The following ADGRE5 variants were observed in gnomAD, a reference collection of about 807,000 sequenced individuals.
The protein encoded by ADGRE5 is adhesion G protein-coupled receptor E5.
In ADGRE5, 72 loss-of-function variants were observed where a neutral mutation model predicts 100.3. That is an observed-to-expected ratio of 0.72 (90% CI 0.59 to 0.87). ADGRE5 has a LOEUF of 0.87. ADGRE5 is among the 40% of genes least tolerant of loss of function. The probability of loss-of-function intolerance (pLI) is 0.00; values close to 1 mark genes in which losing one functional copy is unlikely to be tolerated. For synonymous variants in ADGRE5, 439 were observed against 447.8 expected, an observed-to-expected ratio of 0.98 and a Z score of 0.25; for missense variants, 959 against 1,094.7, an observed-to-expected ratio of 0.88 and a Z score of 1.75.
intron 4 of ADGRE5, among the ~76,000 whole-genome samples, chr19:14,393,842 T>C (rs1975684799): frequency 6.6e-6 from 1 of 152,144 alleles, no homozygotes; most frequent in Non-Finnish European, 1.5e-5. Context: ...CCCACATGCA[T>C]GTGACTTGGC....
At position 14,406,387 on chromosome 19, in the gene ADGRE5, C is replaced by T. The variant is rs146060779; in HGVS notation, c.1878C>T (p.Ala626=). 10 of 1,591,584 alleles carry T rather than the reference C, an allele frequency of 6.3e-6. No homozygotes were observed. In the African/African-American group the frequency reaches 8.0e-5, roughly 13 times the overall value. Reference sequence around the variant, plus strand: ...TGCTGCACTACTGTTTCCTGGCCGCCTTCTGCTGGATGAGCCTCGAAGGCC... The same window carrying T: ...TGCTGCACTACTGTTTCCTGGCCGCTTTCTGCTGGATGAGCCTCGAAGGCC... ...AGLLHYCFLA[A]FCWMSLEGLE... is the part of the protein sequence containing the mutation. Residue 626 remains alanine (A), a synonymous_variant, in exon 15 of 20, where the codon GCC becomes GCT. Transcript: ENST00000242786. This position sits in a 1 kb window ranked among gnomAD's most constrained non-coding sequence, Gnocchi z 6.0.
intron 2 of ADGRE5, 47 bp downstream of exon 2, chr19:14,388,547 G>C (rs1433678617): frequency 1.6e-5 from 25 of 1,569,216 alleles, no homozygotes; most frequent in Non-Finnish European, 2.2e-5. Flanking sequence ...CCAGAGCCTG[G>C]GGAGGGTCCT....
intron 9 of ADGRE5, among the ~76,000 whole-genome samples, chr19:14,398,986 C>T (rs1975899813): frequency 6.6e-6 from 1 of 151,664 alleles, no homozygotes. Flanking sequence ...GGACCAAAGG[C>T]ATATACCACC....
At chr19:14,385,361 GTC>G (rs915265601) in intron 1 of ADGRE5, among the ~76,000 whole-genome samples, 5 of 151,600 alleles carry the variant, frequency 3.3e-5, no homozygotes, top group Non-Finnish European at 7.4e-5. Flanking sequence ...CTCTTTCTGT[GTC>G]TCTCTTTCTT....
In ADGRE5 at chr19:14,406,833, T is replaced by C; in HGVS notation, c.2116-36T>C. 6.2e-7 allele frequency: 1 copy of C among 1,611,872 alleles called. No homozygotes were observed. The highest frequency in any genetic ancestry group is 2.2e-5 in the East Asian group (1 of 44,860). ...GGCCCAGGCCCGGCTGGACCATCGC[T>C]CTCGCCCTCTAACCCACAATCTGCT... On this transcript the variant is annotated intron_variant, in intron 16 of 19. Coordinates refer to ENST00000242786, the MANE Select transcript of ADGRE5 (RefSeq NM_078481.4). This position sits in a 1 kb window ranked among gnomAD's most constrained non-coding sequence, Gnocchi z 6.0.
rs767221670 is a variant in ADGRE5, at chr19:14,401,430, C to T, written c.942C>T (p.Asp314=). 2.2e-5 allele frequency: 36 copies of T among 1,614,000 alleles called. No individual in the cohort carries two copies. In the Admixed American group the frequency reaches 4.0e-4, roughly 18 times the overall value. The change falls in exon 10 of 20, where the codon GAC becomes GAT. Residue 314 remains aspartate (D), a synonymous_variant. Transcript: ENST00000242786. The surrounding 1 kb of genome is among the most constrained non-coding windows in gnomAD (Gnocchi z 4.1). The stretch of plus-strand genomic sequence containing the variant: ...ATGAACTGATGGAAGCTCCTGGAGA[C>T]GTAGAGGCCCTGGCGCCACCTGTCC... ...LVDELMEAPG[D]VEALAPPVRH...
In ADGRE5 at chr19:14,397,099, A is replaced by T. The variant is rs1975807274; in HGVS notation, c.501A>T (p.Gly167=). 6.2e-7 allele frequency: 1 copy of T among 1,614,004 alleles called. No individual in the cohort carries two copies. Among genetic ancestry groups the T allele is most frequent in the South Asian group, 1.1e-5 (1 of 91,062 alleles). Residue 167 remains glycine, a synonymous_variant, in exon 6 of 20, where the codon GGA becomes GGT. Coordinates refer to ENST00000242786, the MANE Select transcript of ADGRE5 (RefSeq NM_078481.4). ...CAGATGTGAATGAATGCACCTCCGG[A>T]CAAAACCCGTGCCACAGCTCCACCC... ...VCTDVNECTS[G]QNPCHSSTHC...
intron 4 of ADGRE5, among the ~76,000 whole-genome samples, chr19:14,393,756 G>A (rs1975681902): frequency 6.6e-6 from 1 of 152,180 alleles, no homozygotes; most frequent in Non-Finnish European, 1.5e-5. Flanking sequence ...GTACACCTGC[G>A]TGGAGCCCAG....
chr19:14,401,780 G>T lies in ADGRE5; in HGVS notation c.1183+20G>T, dbSNP rs200898011. The T allele has an allele frequency of 1.3e-6, 2 of 1,494,444 alleles. 1 individual carries two copies. Among genetic ancestry groups the T allele is most frequent in the Non-Finnish European group, 1.8e-6 (2 of 1,108,034 alleles). 92.6% of individuals were successfully genotyped at this position (1,494,444 alleles called of 1,614,324 possible). A position where few individuals can be genotyped will look rare whatever the true frequency, so the allele number is the denominator to read the frequency against. On this transcript the variant is annotated intron_variant, in intron 11 of 19. Transcript: ENST00000242786. This position sits in a 1 kb window ranked among gnomAD's most constrained non-coding sequence, Gnocchi z 4.1. ...ATCCAGGTAGCAGCGGTGGTCTGGA[G>T]GGGGAGCCCGTGGGAGAGAGATGGA...
chr19:14,383,026 G>A (rs1006603348), intron 1 of ADGRE5, among the ~76,000 whole-genome samples: 3 of 151,314 alleles, frequency 2.0e-5, no homozygotes, highest in Non-Finnish European at 4.4e-5. Flanking sequence ...ATGAGCCACC[G>A]CGCCCAGCCA....
intron 4 of ADGRE5, chr19:14,391,376 T>C (rs1232957566): frequency 2.0e-5 from 8 of 394,030 alleles, no homozygotes; most frequent in Middle Eastern, 7.2e-4. Context: ...AACGTTATCA[T>C]GCTTGTAATT....
At chr19:14,381,660 C>T (rs1599604973) in intron 1 of ADGRE5, 115 bp downstream of exon 1, 2 of 1,266,750 alleles carry the variant, frequency 1.6e-6, no homozygotes, top group East Asian at 2.6e-5. Context: ...ATAGAGGAAG[C>T]CACATGGTCA....
intron 12 of ADGRE5, among the ~76,000 whole-genome samples, chr19:14,403,986 C>T (rs1976116255): frequency 1.3e-5 from 2 of 150,524 alleles, no homozygotes; most frequent in South Asian, 4.2e-4. Flanking sequence ...AAGCGATTCT[C>T]CTGCCCAGGA....
At chr19:14,400,669 G>C (rs1451192724) in intron 9 of ADGRE5, among the ~76,000 whole-genome samples, 1 of 151,972 alleles carries the variant, frequency 6.6e-6, no homozygotes, top group Non-Finnish European at 1.5e-5. Context: ...GCGGGCACCT[G>C]TAGTCCTAGC....
chr19:14,394,699 C>T (rs184496063), intron 4 of ADGRE5, among the ~76,000 whole-genome samples: 108 of 152,214 alleles, frequency 7.1e-4, no homozygotes, highest in African/African-American at 2.6e-3. Context: ...GCCACCGGGG[C>T]TCCCATGAGC....
chr19:14,404,945 G>A lies in ADGRE5; in HGVS notation c.1629+383G>A, dbSNP rs527960826. ...CACAATCTCAGCTAGTGAGGTTCAA[G>A]GGATTCTCCTGCCTTAGCCTCCCGA... On this transcript the variant is annotated intron_variant, in intron 13 of 19. Coordinates refer to ENST00000242786, the MANE Select transcript of ADGRE5 (RefSeq NM_078481.4). The A allele has an allele frequency of 2.0e-4, 43 of 219,056 alleles. No individual in the cohort carries two copies. The South Asian group carries it at 2.5e-3, about 13-fold the overall frequency. The allele number at this position is 219,056 out of a possible 1,614,324, so 13.6% of individuals were successfully genotyped here.
At position 14,406,412 on chromosome 19, in the gene ADGRE5, CTGGAGCTCTACTTTCTTG is replaced by C; in HGVS notation, c.1907_1924del (p.Glu636_Val641del). On this transcript the variant is annotated inframe_deletion, in exon 15 of 20. Coordinates refer to ENST00000242786, the MANE Select transcript of ADGRE5 (RefSeq NM_078481.4). The surrounding 1 kb of genome is among the most constrained non-coding windows in gnomAD (Gnocchi z 6.0). Reference sequence around the variant, plus strand: ...CTTCTGCTGGATGAGCCTCGAAGGCCTGGAGCTCTACTTTCTTGTGGTGCGCGTGTTCCAAGGCCAGGG... The same window carrying C: ...CTTCTGCTGGATGAGCCTCGAAGGCCTGGTGCGCGTGTTCCAAGGCCAGGG... The C allele has an allele frequency of 6.3e-7, 1 of 1,592,454 alleles. No individual in the cohort carries two copies. Among genetic ancestry groups the C allele is most frequent in the East Asian group, 2.3e-5 (1 of 43,854 alleles).
chr19:14,399,756 AC>A (rs1975938643), intron 9 of ADGRE5, among the ~76,000 whole-genome samples: 1 of 149,890 alleles, frequency 6.7e-6, no homozygotes, highest in African/African-American at 2.5e-5. Context: ...AAAAAAAAAA[AC>A]AGTTTTCCCA....
chr19:14,387,295 A>C (rs949595464), intron 1 of ADGRE5, among the ~76,000 whole-genome samples: 1 of 152,086 alleles, frequency 6.6e-6, no homozygotes, highest in African/African-American at 2.4e-5. Context: ...CACCAGGCTC[A>C]TGGCCCTTCC....
Sources: gnomAD v4.1 joint callset for allele counts (sites outside exome capture counted in the v4.1 genomes callset) on GRCh38, gnomAD v4.1.1 for gene constraint, Gnocchi (gnomAD v3.1) non-coding constraint, MANE v1.5 for transcripts, NCBI Gene and HGNC (gene_info 2026-07-23, HGNC 2026-07-21) for gene names.